Variants in CALCR observed in about 807,000 individuals in gnomAD.
CALCR encodes calcitonin receptor.
CALCR carries 47 observed loss-of-function variants against 59.5 expected under a neutral mutation model. That is an observed-to-expected ratio of 0.79 (90% confidence interval 0.63 to 1.01). CALCR has a LOEUF of 1.01. Ranked by LOEUF, CALCR falls within the 50% of genes least tolerant of loss-of-function variation. The pLI, the probability that CALCR is intolerant of heterozygous loss-of-function variation, is 0.00. For missense variants in CALCR, 566 were observed against 597.1 expected (o/e 0.95, Z 0.54); for synonymous variants, 213 against 211.3 (o/e 1.01, Z -0.07).
intron 2 of CALCR, among the ~76,000 whole-genome samples, chr7:93,551,574 G>A (rs963794476): frequency 2.0e-5 from 3 of 152,146 alleles, no homozygotes; most frequent in African/African-American, 4.8e-5. Flanking sequence ...CAGGTCAAAA[G>A]TGACAGGAAA....
chr7:93,429,932 TTGTTTTTTTG>T (rs1799619243), intron 13 of CALCR, among the ~76,000 whole-genome samples: 1 of 97,686 alleles, frequency 1.0e-5, no homozygotes, highest in African/African-American at 4.0e-5. Context: ...TTTTGTTTGT[TTGTTTTTTTG>T]TTTTTTTTTG....
At chr7:93,532,538 G>C (rs1563010072) in intron 2 of CALCR, among the ~76,000 whole-genome samples, 1 of 151,990 alleles carries the variant, frequency 6.6e-6, no homozygotes, top group Non-Finnish European at 1.5e-5. Context: ...AGAGTAATGA[G>C]AAAGCTACAT....
At chr7:93,513,188 G>C (rs1259402130) in intron 2 of CALCR, among the ~76,000 whole-genome samples, 1 of 152,018 alleles carries the variant, frequency 6.6e-6, no homozygotes, top group African/African-American at 2.4e-5. Context: ...CGTAATACTG[G>C]TTTCAGAGGA....
intron 2 of CALCR, among the ~76,000 whole-genome samples, chr7:93,573,796 G>T (rs1170451144): frequency 6.6e-6 from 1 of 152,166 alleles, no homozygotes; most frequent in Non-Finnish European, 1.5e-5. Context: ...ATAAATGATT[G>T]TTGGAAAACT....
At chr7:93,502,830 A>T (rs1227045256) in intron 2 of CALCR, among the ~76,000 whole-genome samples, 5 of 152,116 alleles carry the variant, frequency 3.3e-5, no homozygotes, top group African/African-American at 1.2e-4. Flanking sequence ...TTATTACTTT[A>T]AAAAGGGACT....
In CALCR at chr7:93,492,287, T is replaced by C. The variant is rs1476424612; in HGVS notation, c.-26-5280A>G. Among the ~76,000 whole-genome samples, 5 of 151,166 alleles carry C rather than the reference T, an allele frequency of 3.3e-5. No individual in the cohort carries two copies. The South Asian group carries it at 8.3e-4, about 25-fold the overall frequency. On this transcript the variant is annotated intron_variant, in intron 2 of 13. Transcript: ENST00000426151. ...GGAGGAAACTTAGAGGACAGGTCAA[T>C]AGGTGTAAAAATTTTATTTTTTAAA...
chr7:93,556,098 T>C (rs935658782), intron 2 of CALCR, among the ~76,000 whole-genome samples: 8 of 152,194 alleles, frequency 5.3e-5, no homozygotes, highest in Non-Finnish European at 1.0e-4. Flanking sequence ...ATTGAGGTTA[T>C]CCTTAAGTCA....
At chr7:93,492,768 T>C (rs1436439747) in intron 2 of CALCR, among the ~76,000 whole-genome samples, 1 of 151,344 alleles carries the variant, frequency 6.6e-6, no homozygotes, top group East Asian at 1.9e-4. Context: ...TAGGGCCTTA[T>C]AAGATGGTTA....
At chr7:93,433,933 C>T (rs748358115) in intron 13 of CALCR, among the ~76,000 whole-genome samples, 48 of 152,172 alleles carry the variant, frequency 3.2e-4, no homozygotes, top group African/African-American at 1.1e-3. Context: ...GGGCTCGGGT[C>T]TTCCGAAGGG....
chr7:93,477,103 A>T (rs1449745200), intron 5 of CALCR, among the ~76,000 whole-genome samples: 1 of 151,854 alleles, frequency 6.6e-6, no homozygotes, highest in Non-Finnish European at 1.5e-5. Context: ...TTCTAGAGCC[A>T]CTTAACCCCT....
chr7:93,522,424 G>A (rs961189783), intron 2 of CALCR, among the ~76,000 whole-genome samples: 3 of 152,220 alleles, frequency 2.0e-5, no homozygotes, highest in Admixed American at 6.5e-5. Context: ...GGTCCTTCAA[G>A]GGCTTTCAGA....
chr7:93,569,784 T>G (rs1789958241), intron 2 of CALCR, among the ~76,000 whole-genome samples: 1 of 152,074 alleles, frequency 6.6e-6, no homozygotes, highest in Non-Finnish European at 1.5e-5. Context: ...GGGAGAATGA[T>G]TAATACATTT....
At chr7:93,455,044 C>T (rs1309352165) in intron 8 of CALCR, among the ~76,000 whole-genome samples, 1 of 151,554 alleles carries the variant, frequency 6.6e-6, no homozygotes, top group Non-Finnish European at 1.5e-5. Flanking sequence ...ACTTCCTCTT[C>T]AAAAAATAAC....
intron 3 of CALCR, among the ~76,000 whole-genome samples, chr7:93,479,983 C>A (rs185343763): frequency 2.0e-5 from 3 of 151,814 alleles, no homozygotes; most frequent in Admixed American, 2.0e-4. Context: ...GTGTACACTG[C>A]CAGAAATTTA....
At chr7:93,563,018 C>T (rs1239936007) in intron 2 of CALCR, among the ~76,000 whole-genome samples, 1 of 151,998 alleles carries the variant, frequency 6.6e-6, no homozygotes, top group Non-Finnish European at 1.5e-5. Flanking sequence ...TTAAAAATAT[C>T]AGAAATAGTA....
intron 2 of CALCR, among the ~76,000 whole-genome samples, chr7:93,522,161 A>AT (rs1801778104): frequency 6.6e-6 from 1 of 152,172 alleles, no homozygotes; most frequent in Non-Finnish European, 1.5e-5. Flanking sequence ...AGAAAAAGCC[A>AT]TTTTTAAGTT....
chr7:93,546,023 C>A (rs1334664415), intron 2 of CALCR, among the ~76,000 whole-genome samples: 1 of 152,076 alleles, frequency 6.6e-6, no homozygotes, highest in Admixed American at 6.6e-5. Context: ...TGCAAATTAA[C>A]AAATTCAGAA....
chr7:93,508,010 A>G (rs1370179652), intron 2 of CALCR, among the ~76,000 whole-genome samples: 1 of 152,166 alleles, frequency 6.6e-6, no homozygotes, highest in Non-Finnish European at 1.5e-5. Flanking sequence ...TTAAGAATTA[A>G]TATACCCAAT....
chr7:93,542,594 G>T (rs2116190210), intron 2 of CALCR, among the ~76,000 whole-genome samples: 1 of 152,162 alleles, frequency 6.6e-6, no homozygotes. Flanking sequence ...TTTATATTTA[G>T]CTTACTGTAA....
Sources: allele counts gnomAD v4.1 joint callset (sites outside exome capture counted in the v4.1 genomes callset), GRCh38; gene constraint gnomAD v4.1.1; transcripts MANE v1.5; gene names NCBI Gene and HGNC (gene_info 2026-07-23, HGNC 2026-07-21).